SLC8A1: variants seen among roughly 807,000 people sequenced by gnomAD.
SLC8A1 encodes the protein sodium/calcium exchanger 1.
In SLC8A1, 18 loss-of-function variants were observed where a neutral mutation model predicts 68.3. The observed-to-expected ratio is 0.26, with a 90% CI of 0.18 to 0.39. The LOEUF (loss-of-function observed/expected upper bound fraction) is 0.39. Ranked by LOEUF, SLC8A1 falls within the 10% of genes least tolerant of loss-of-function variation. The probability of loss-of-function intolerance (pLI) is 1.00; values close to 1 mark genes in which losing one functional copy is unlikely to be tolerated. For synonymous variants in SLC8A1, 475 were observed against 415.5 expected (o/e 1.14, Z -1.74); for missense variants, 985 against 1,156.7 (o/e 0.85, Z 2.15).
At chr2:40,121,198 T>C (rs915154211) in intron 7 of SLC8A1, among the ~76,000 whole-genome samples, 1 of 152,168 alleles carries the variant, frequency 6.6e-6, no homozygotes, top group Non-Finnish European at 1.5e-5. Flanking sequence ...TTAATCAGAC[T>C]CTCTGAGGAC....
intron 2 of SLC8A1, among the ~76,000 whole-genome samples, chr2:40,296,723 T>C (rs2070460876): frequency 6.6e-6 from 1 of 152,218 alleles, no homozygotes; most frequent in African/African-American, 2.4e-5. Flanking sequence ...GTTTTATTTA[T>C]TTTATGTTTG....
intron 2 of SLC8A1, among the ~76,000 whole-genome samples, chr2:40,246,285 A>G (rs505473): frequency 0.21 from 31,786 of 152,120 alleles, 3,864 homozygotes; most frequent in African/African-American, 0.33. Context: ...AACAGGGGAA[A>G]CTTGAAATAC....
At chr2:40,231,147 G>A (rs1207918694) in intron 2 of SLC8A1, among the ~76,000 whole-genome samples, 1 of 152,176 alleles carries the variant, frequency 6.6e-6, no homozygotes, top group Non-Finnish European at 1.5e-5. Flanking sequence ...AGAAGACTGA[G>A]AAATGCCACT....
chr2:40,457,971 T>A (rs1299110307), intron 1 of SLC8A1, among the ~76,000 whole-genome samples: 1 of 152,180 alleles, frequency 6.6e-6, no homozygotes, highest in Non-Finnish European at 1.5e-5. Flanking sequence ...TTTAAAAAAA[T>A]ACTGAAAGCT....
intron 1 of SLC8A1, among the ~76,000 whole-genome samples, chr2:40,444,688 G>A (rs1257190906): frequency 6.6e-6 from 1 of 151,690 alleles, no homozygotes. Flanking sequence ...AAAATTACTG[G>A]AAAAAAAAGA....
intron 2 of SLC8A1, among the ~76,000 whole-genome samples, chr2:40,260,010 C>T (rs1230966834): frequency 1.3e-5 from 2 of 152,148 alleles, no homozygotes; most frequent in Admixed American, 6.6e-5. Flanking sequence ...TGATAGTGAA[C>T]TCAATTGGCT....
intron 2 of SLC8A1, among the ~76,000 whole-genome samples, chr2:40,223,938 A>G (rs529212814): frequency 1.3e-5 from 2 of 152,254 alleles, no homozygotes; most frequent in East Asian, 3.9e-4. Context: ...TTCTGTAACC[A>G]TCAGAGACAA....
chr2:40,400,286 A>C lies in SLC8A1; in HGVS notation c.1808+28187T>G, dbSNP rs376846999. On this transcript the variant is annotated intron_variant, in intron 2 of 7. Coordinates refer to ENST00000406785, the Ensembl canonical transcript of SLC8A1. ...TACGTAACAACTTGTATCATTCATC[A>C]CTACATTTATTTCCATTAACCTATC... Among the ~76,000 whole-genome samples, 175 of 152,164 alleles carry C rather than the reference A, an allele frequency of 1.2e-3. 1 individual carries two copies. Among genetic ancestry groups the C allele is most frequent in the African/African-American group, 4.0e-3 (164 of 41,508 alleles).
chr2:40,220,829 G>A (rs1482109280), intron 2 of SLC8A1, among the ~76,000 whole-genome samples: 1 of 151,676 alleles, frequency 6.6e-6, no homozygotes, highest in Admixed American at 6.6e-5. Context: ...GGAAGAGAAA[G>A]AGCTTAGTAA....
chr2:40,252,637 C>T (rs562162476), intron 2 of SLC8A1, among the ~76,000 whole-genome samples: 2 of 152,030 alleles, frequency 1.3e-5, no homozygotes, highest in Admixed American at 6.6e-5. Flanking sequence ...CAATCACGCC[C>T]GGCCAAGATA....
intron 2 of SLC8A1, among the ~76,000 whole-genome samples, chr2:40,229,756 T>C (rs71439289): frequency 6.6e-5 from 10 of 152,196 alleles, no homozygotes; most frequent in Admixed American, 2.6e-4. Context: ...TCGTGTGCTG[T>C]ATCTTATATC....
At chr2:40,224,897 C>T (rs981671179) in intron 2 of SLC8A1, among the ~76,000 whole-genome samples, 2 of 152,174 alleles carry the variant, frequency 1.3e-5, no homozygotes, top group South Asian at 4.2e-4. Flanking sequence ...AAACTTATTA[C>T]CAGGCTTGAG....
At chr2:40,210,282 A>G (rs935304038) in intron 2 of SLC8A1, among the ~76,000 whole-genome samples, 7 of 152,190 alleles carry the variant, frequency 4.6e-5, no homozygotes, top group African/African-American at 1.7e-4. Flanking sequence ...TGAGTGCCTG[A>G]AACAAGAGCT....
At chr2:40,163,310 G>T (rs1456919898) in intron 5 of SLC8A1, among the ~76,000 whole-genome samples, 2 of 152,160 alleles carry the variant, frequency 1.3e-5, no homozygotes, top group Non-Finnish European at 2.9e-5. Flanking sequence ...ATGGGTGCAT[G>T]GAAGGGGAAG....
At chr2:40,201,450 A>T (rs1384880126) in intron 2 of SLC8A1, among the ~76,000 whole-genome samples, 1 of 151,978 alleles carries the variant, frequency 6.6e-6, no homozygotes, top group Non-Finnish European at 1.5e-5. Context: ...TGTTTTGAGG[A>T]GAAATGAGAA....
chr2:40,494,588 C>T (rs1009989092), intron 1 of SLC8A1, among the ~76,000 whole-genome samples: 2 of 143,574 alleles, frequency 1.4e-5, no homozygotes, highest in African/African-American at 2.6e-5. Context: ...CACACATATA[C>T]ATATGTAACA....
chr2:40,170,405 A>G (rs1473699932), intron 4 of SLC8A1, 56 bp from the exon 7 acceptor site: 3 of 1,474,976 alleles, frequency 2.0e-6, no homozygotes, highest in Middle Eastern at 1.7e-4. Flanking sequence ...ATTTGCTATC[A>G]GAGCTTTGTG....
intron 2 of SLC8A1, chr2:40,254,820 C>T (rs184332031): frequency 9.2e-5 from 14 of 152,284 alleles, no homozygotes; most frequent in Admixed American, 5.2e-4. Flanking sequence ...TAACATCTTC[C>T]TTTGAGCACT....
At chr2:40,450,736 GGAGA>G (rs755767634) in intron 1 of SLC8A1, among the ~76,000 whole-genome samples, 8 of 152,186 alleles carry the variant, frequency 5.3e-5, no homozygotes, top group African/African-American at 1.4e-4. Flanking sequence ...CTGACTAGCA[GGAGA>G]GAGAGAGAGC....
Sources: allele counts gnomAD v4.1 joint callset (sites outside exome capture counted in the v4.1 genomes callset), GRCh38; gene constraint gnomAD v4.1.1; transcripts MANE v1.5; gene names NCBI Gene and HGNC (gene_info 2026-07-23, HGNC 2026-07-21).